SHANK2: variants seen among roughly 807,000 people sequenced by gnomAD.
The protein encoded by SHANK2 is SH3 and multiple ankyrin repeat domains protein 2.
Under a neutral mutation model 133.7 loss-of-function variants are expected in SHANK2, and 43 were observed. That is an observed-to-expected ratio of 0.32 (90% CI 0.25 to 0.41). SHANK2 has a LOEUF of 0.41. Among genes scored for constraint, SHANK2 ranks in the 10% least tolerant of loss-of-function variants. The pLI, the probability that SHANK2 is intolerant of heterozygous loss-of-function variation, is 1.00. For synonymous variants in SHANK2, 1,017 were observed against 952.8 expected, an observed-to-expected ratio of 1.07 and a Z score of -1.24; for missense variants, 1,994 against 2,235.8, an observed-to-expected ratio of 0.89 and a Z score of 2.18.
At position 71,092,385 on chromosome 11, in the gene SHANK2, C is replaced by A. The variant is rs532611110; in HGVS notation, c.912+37G>T. 3 of 1,549,716 alleles carry A rather than the reference C, an allele frequency of 1.9e-6. No individual in the cohort carries two copies. The South Asian group carries it at 3.6e-5, about 18-fold the overall frequency. ...ATCGGAGGAGAAGGGGAAGTCAGTT[C>A]GTGGGTACAACAGAGTGGAGAAGCG... On this transcript the variant is annotated intron_variant, in intron 8 of 25. Coordinates refer to ENST00000601538, the MANE Select transcript of SHANK2 (RefSeq NM_012309.5).
At chr11:71,228,363 C>T (rs1954678823) in intron 1 of SHANK2, among the ~76,000 whole-genome samples, 1 of 152,194 alleles carries the variant, frequency 6.6e-6, no homozygotes, top group Non-Finnish European at 1.5e-5. Context: ...ACTAATTCTA[C>T]ACAATTTCTT....
chr11:70,733,352 A>C (rs1555032722), intron 14 of SHANK2, among the ~76,000 whole-genome samples: 1 of 152,228 alleles, frequency 6.6e-6, no homozygotes, highest in African/African-American at 2.4e-5. Flanking sequence ...TTTATGTGTG[A>C]TACAGAATGT....
chr11:70,679,486 C>A (rs1012380943), intron 15 of SHANK2, among the ~76,000 whole-genome samples: 5 of 152,250 alleles, frequency 3.3e-5, no homozygotes, highest in African/African-American at 1.2e-4. Context: ...CTGCCTGGGG[C>A]AGTCCCTCTG....
intron 11 of SHANK2, among the ~76,000 whole-genome samples, chr11:70,843,629 C>T (rs1370256394): frequency 2.6e-5 from 4 of 151,866 alleles, no homozygotes; most frequent in Admixed American, 6.6e-5. Flanking sequence ...ACCTACAAGC[C>T]GCAGAGACAG....
At position 70,485,241 on chromosome 11, in the gene SHANK2, C is replaced by A; in HGVS notation, c.4979+73G>T. 1 of 1,324,318 alleles carries A rather than the reference C, an allele frequency of 7.6e-7. No individual in the cohort carries two copies. Among genetic ancestry groups the A allele is most frequent in the Non-Finnish European group, 1.1e-6 (1 of 924,144 alleles). 82.0% of individuals were successfully genotyped at this position (1,324,318 alleles called of 1,614,324 possible). A position where few individuals can be genotyped will look rare whatever the true frequency, so the allele number is the denominator to read the frequency against. ...CTCTTCGTGTCCGCTGGGGCTGCTA[C>A]CCGAGGGCCTTTCCTGGTCAGCAGG... is the stretch of plus-strand genomic sequence containing the variant. On this transcript the variant is annotated intron_variant, in intron 25 of 25. Transcript: ENST00000601538. The surrounding 1 kb of genome is among the most constrained non-coding windows in gnomAD (Gnocchi z 5.8).
intron 10 of SHANK2, among the ~76,000 whole-genome samples, chr11:70,905,672 G>GCAA (rs1385848365): frequency 3.3e-5 from 5 of 152,156 alleles, no homozygotes; most frequent in African/African-American, 1.2e-4. Flanking sequence ...TGAGGACACA[G>GCAA]CAAGAAGACC....
At chr11:70,903,232 C>T (rs934683958) in intron 10 of SHANK2, among the ~76,000 whole-genome samples, 18 of 151,904 alleles carry the variant, frequency 1.2e-4, no homozygotes, top group African/African-American at 4.4e-4. Flanking sequence ...CAAAAATTAG[C>T]TGTGCGTGGT....
At chr11:71,062,996 C>CAAAAAA (rs1169050698) in intron 9 of SHANK2, among the ~76,000 whole-genome samples, 22 of 69,736 alleles carry the variant, frequency 3.2e-4, no homozygotes, top group African/African-American at 1.2e-3. Context: ...GACCCTGTCT[C>CAAAAAA]AAAAAAAAAA....
chr11:70,754,506 G>T (rs1412485128), intron 14 of SHANK2, among the ~76,000 whole-genome samples: 1 of 152,160 alleles, frequency 6.6e-6, no homozygotes. Context: ...AAGAAAAACA[G>T]ATAATCATAG....
At chr11:70,738,079 C>T (rs781876278) in intron 14 of SHANK2, among the ~76,000 whole-genome samples, 1 of 152,284 alleles carries the variant, frequency 6.6e-6, no homozygotes, top group Non-Finnish European at 1.5e-5. Flanking sequence ...GTGGCAAGAG[C>T]TCCCTTGCAT....
intron 14 of SHANK2, among the ~76,000 whole-genome samples, chr11:70,725,844 G>A (rs1008157193): frequency 6.6e-6 from 1 of 152,202 alleles, no homozygotes; most frequent in Admixed American, 6.5e-5. Flanking sequence ...GAAGCATGGG[G>A]GGAAGAACAG....
In SHANK2 at chr11:70,900,302, C is replaced by T. The variant is rs557973406; in HGVS notation, c.1108-3735G>A. Among the ~76,000 whole-genome samples, 3 of 151,220 alleles carry T rather than the reference C, an allele frequency of 2.0e-5. No homozygotes were observed. In the South Asian group the frequency reaches 6.3e-4, roughly 32 times the overall value. ...CTGGGAGGTGGAGACTGCAGTGAGC[C>T]AAGATCGTGCCACTGCACTCCAGCT... On this transcript the variant is annotated intron_variant, in intron 10 of 25. Coordinates refer to ENST00000601538, the MANE Select transcript of SHANK2 (RefSeq NM_012309.5).
Position 70,807,905 on chromosome 11 carries a change from A to T in SHANK2, c.1494-734T>A, listed in dbSNP as rs1266556895. Among the ~76,000 whole-genome samples, 1 of 152,178 alleles carries T rather than the reference A, an allele frequency of 6.6e-6. No individual in the cohort carries two copies. Among genetic ancestry groups the T allele is most frequent in the Non-Finnish European group, 1.5e-5 (1 of 68,032 alleles). ...GGGACACTGCTCAGTGAGATACACCAGACACAAAAGAACACAGACTGTGTG... is the reference window on the plus strand; with the variant it reads ...GGGACACTGCTCAGTGAGATACACCTGACACAAAAGAACACAGACTGTGTG... On this transcript the variant is annotated intron_variant, in intron 12 of 25. Transcript: ENST00000601538. The surrounding 1 kb of genome is among the most constrained non-coding windows in gnomAD (Gnocchi z 4.8).
At chr11:71,212,787 G>A (rs1216748133) in intron 2 of SHANK2, among the ~76,000 whole-genome samples, 1 of 152,200 alleles carries the variant, frequency 6.6e-6, no homozygotes, top group African/African-American at 2.4e-5. Flanking sequence ...TTGCCACCAG[G>A]AATCCCTGCT....
intron 14 of SHANK2, among the ~76,000 whole-genome samples, chr11:70,719,368 T>A (rs1387100740): frequency 6.6e-6 from 1 of 152,250 alleles, no homozygotes; most frequent in Non-Finnish European, 1.5e-5. Context: ...TATCCATGCC[T>A]GCTGCCCCAG....
chr11:70,862,437 T>C (rs76247925), intron 11 of SHANK2, among the ~76,000 whole-genome samples: 3,813 of 152,156 alleles, frequency 0.025, 77 homozygotes, highest in Non-Finnish European at 0.036. Context: ...ACAATGGAAA[T>C]GGAAAGAAGT....
intron 3 of SHANK2, among the ~76,000 whole-genome samples, chr11:71,146,591 G>T (rs1394652349): frequency 6.6e-6 from 1 of 152,212 alleles, no homozygotes; most frequent in Non-Finnish European, 1.5e-5. Flanking sequence ...ATTAGGCCCA[G>T]GGCTGGAGGG....
intron 2 of SHANK2, among the ~76,000 whole-genome samples, chr11:71,179,389 G>A (rs1555113488): frequency 2.0e-5 from 3 of 152,124 alleles, no homozygotes; most frequent in Non-Finnish European, 2.9e-5. Context: ...TGCAGAAAAA[G>A]CATTTCATAA....
chr11:70,873,601 A>G (rs1373749922), intron 11 of SHANK2, among the ~76,000 whole-genome samples: 1 of 152,230 alleles, frequency 6.6e-6, no homozygotes, highest in Non-Finnish European at 1.5e-5. Context: ...CATCTGGGGC[A>G]GTTCTCTTCT....
Sources: allele counts gnomAD v4.1 joint callset (sites outside exome capture counted in the v4.1 genomes callset), GRCh38; gene constraint gnomAD v4.1.1; non-coding constraint Gnocchi (gnomAD v3.1); transcripts MANE v1.5; gene names NCBI Gene and HGNC (gene_info 2026-07-23, HGNC 2026-07-21).